Variants in TMEM161B observed in about 807,000 individuals in gnomAD.
The protein encoded by TMEM161B is transmembrane protein 161B.
In TMEM161B, 34 loss-of-function variants were observed where a neutral mutation model predicts 61.8. The ratio of observed to expected loss-of-function variants is 0.55; its 90% CI spans 0.42 to 0.73. TMEM161B has a LOEUF of 0.73. Ranked by LOEUF, TMEM161B falls within the 30% of genes least tolerant of loss-of-function variation. The pLI is 0.00. For synonymous variants in TMEM161B, 167 were observed against 192.8 expected (o/e 0.87, Z 1.11); for missense variants, 456 against 558.5 (o/e 0.82, Z 1.85).
chr5:88,186,038 C>T (rs1000392046), downstream of TMEM161B, among the ~76,000 whole-genome samples: 2 of 152,190 alleles, frequency 1.3e-5, no homozygotes, highest in African/African-American at 4.8e-5. Context: ...TCAATATTCT[C>T]AAGCAAAATC....
chr5:88,221,651 G>A (rs1415593830), intron 4 of TMEM161B: 1 of 453,378 alleles, frequency 2.2e-6, no homozygotes. Flanking sequence ...AACATTCTTT[G>A]AAAGTAAATA....
chr5:88,229,672 A>G (rs569742350), intron 2 of TMEM161B, among the ~76,000 whole-genome samples: 7 of 148,522 alleles, frequency 4.7e-5, no homozygotes, highest in Non-Finnish European at 1.0e-4. Flanking sequence ...GAAAAAATGC[A>G]TATCTAGTAT....
intron 5 of TMEM161B, among the ~76,000 whole-genome samples, chr5:88,214,075 C>T (rs1351747461): frequency 2.0e-5 from 3 of 152,104 alleles, no homozygotes; most frequent in African/African-American, 7.2e-5. Context: ...ATAAAAACAA[C>T]ATTTGTAGAC....
At chr5:88,267,327 C>T (rs1756520282) in intron 1 of TMEM161B, among the ~76,000 whole-genome samples, 1 of 151,886 alleles carries the variant, frequency 6.6e-6, no homozygotes, top group African/African-American at 2.4e-5. Context: ...TTAATACAAA[C>T]CATATTATTC....
At chr5:88,190,391 C>G (rs12521621), downstream of TMEM161B, 4,997 of 632,868 alleles carry the variant, frequency 7.9e-3, 345 homozygotes, top group Admixed American at 0.1. Flanking sequence ...ACAGCCAGTA[C>G]AATTGCAGCT....
In TMEM161B at chr5:88,210,744, C is replaced by T. The variant is rs74903806; in HGVS notation, c.447-3564G>A. Among the ~76,000 whole-genome samples, 433 of 152,256 alleles carry T rather than the reference C, an allele frequency of 2.8e-3. 1 individual carries two copies. Among genetic ancestry groups the T allele is most frequent in the African/African-American group, 0.01 (417 of 41,542 alleles). ...AGGCCTCAAGGAAAAGACCAATAAA[C>T]AATGACACTATGGGCTACCTAAAAT... On this transcript the variant is annotated intron_variant, in intron 5 of 11. Coordinates refer to ENST00000296595, the MANE Select transcript of TMEM161B (RefSeq NM_153354.5).
chr5:88,189,763 T>C (rs1386614687), exon 13 of TMEM161B: 1 of 299,378 alleles, frequency 3.3e-6, no homozygotes. Context: ...TATAGTATTT[T>C]ATAAGGGGAA....
chr5:88,244,314 T>C (rs1054844023), intron 1 of TMEM161B, among the ~76,000 whole-genome samples: 6 of 151,662 alleles, frequency 4.0e-5, no homozygotes, highest in Admixed American at 2.6e-4. Flanking sequence ...TTTTTGTACA[T>C]GGTGTAAGGA....
intron 5 of TMEM161B, among the ~76,000 whole-genome samples, chr5:88,209,319 A>G (rs1390665647): frequency 6.6e-6 from 1 of 152,198 alleles, no homozygotes; most frequent in Non-Finnish European, 1.5e-5. Context: ...TTTGAAAAAC[A>G]CTGCTTTATT....
At chr5:88,191,713 T>C (rs1050360039), downstream of TMEM161B, among the ~76,000 whole-genome samples, 1 of 151,688 alleles carries the variant, frequency 6.6e-6, no homozygotes, top group Non-Finnish European at 1.5e-5. Flanking sequence ...ATCCCAGCAC[T>C]TTGGGAGGCC....
chr5:88,260,981 G>C (rs897890801), intron 1 of TMEM161B, among the ~76,000 whole-genome samples: 2 of 152,066 alleles, frequency 1.3e-5, no homozygotes, highest in African/African-American at 2.4e-5. Flanking sequence ...AAAAATCATT[G>C]GGTAAGTGAG....
At chr5:88,234,882 T>C (rs181915800) in intron 2 of TMEM161B, among the ~76,000 whole-genome samples, 3 of 152,210 alleles carry the variant, frequency 2.0e-5, no homozygotes, top group East Asian at 1.9e-4. Context: ...CTGGGCAACA[T>C]AGCAAGATCC....
chr5:88,260,574 C>T lies in TMEM161B; in HGVS notation c.3+8147G>A, dbSNP rs114506820. Among the ~76,000 whole-genome samples the T allele has an allele frequency of 4.7e-3, 711 of 152,246 alleles. 11 individuals carry two copies. The highest frequency in any genetic ancestry group is 0.016 in the African/African-American group (685 of 41,538). ...TCAAGTGATCTACCCACCTCAGCCT[C>T]CCAAGTAGCTGGAACTACAGGTGCT... is the stretch of plus-strand genomic sequence containing the variant. On this transcript the variant is annotated intron_variant, in intron 1 of 11. Coordinates refer to ENST00000296595, the MANE Select transcript of TMEM161B (RefSeq NM_153354.5).
At chr5:88,232,390 C>A (rs1019277848) in intron 2 of TMEM161B, among the ~76,000 whole-genome samples, 8 of 152,052 alleles carry the variant, frequency 5.3e-5, no homozygotes, top group African/African-American at 1.9e-4. Context: ...GAGTGCATAA[C>A]ATTTAGAAGA....
chr5:88,192,986 G>A (rs183821502), downstream of TMEM161B, among the ~76,000 whole-genome samples: 1 of 152,186 alleles, frequency 6.6e-6, no homozygotes, highest in East Asian at 1.9e-4. Context: ...AATCATAACT[G>A]AGGAAGAAAT....
At chr5:88,240,204 C>T (rs566248852) in intron 2 of TMEM161B, among the ~76,000 whole-genome samples, 3 of 151,730 alleles carry the variant, frequency 2.0e-5, no homozygotes, top group Non-Finnish European at 4.4e-5. Flanking sequence ...ATAACTTTAT[C>T]CCCCTCCTTG....
At chr5:88,239,421 A>G (rs1465157937) in intron 2 of TMEM161B, among the ~76,000 whole-genome samples, 1 of 151,970 alleles carries the variant, frequency 6.6e-6, no homozygotes, top group East Asian at 1.9e-4. Flanking sequence ...AATTAATGAT[A>G]ATTTGCCCAG....
rs1311413906 is a variant in TMEM161B, at chr5:88,262,506, C to G, written c.3+6215G>C. Among the ~76,000 whole-genome samples, 4 of 152,066 alleles carry G rather than the reference C, an allele frequency of 2.6e-5. No individual in the cohort carries two copies. The South Asian group carries it at 8.3e-4, about 32-fold the overall frequency. ...CAAAATCTGGAAGCAACCAAGATAT[C>G]CCTCAGTAGGTGAATAGATAAACTG... On this transcript the variant is annotated intron_variant, in intron 1 of 11. Transcript: ENST00000296595.
intron 2 of TMEM161B, among the ~76,000 whole-genome samples, chr5:88,238,339 T>C (rs1393509893): frequency 1.3e-5 from 2 of 149,172 alleles, no homozygotes; most frequent in Non-Finnish European, 3.0e-5. Context: ...AGAGAAGCCA[T>C]AACAAAAAAA....
Sources: gnomAD v4.1 joint callset for allele counts (sites outside exome capture counted in the v4.1 genomes callset) on GRCh38, gnomAD v4.1.1 for gene constraint, MANE v1.5 for transcripts, NCBI Gene and HGNC (gene_info 2026-07-23, HGNC 2026-07-21) for gene names.